RNF115: variants seen among roughly 807,000 people sequenced by gnomAD.
RNF115 encodes E3 ubiquitin-protein ligase RNF115.
RNF115 carries 31 observed loss-of-function variants against 39.2 expected under a neutral mutation model. The observed-to-expected ratio is 0.79, with a 90% CI of 0.59 to 1.07. The LOEUF (loss-of-function observed/expected upper bound fraction) is 1.07, where lower values mean the gene tolerates loss of function less well. Among genes scored for constraint, RNF115 ranks in the 50% least tolerant of loss-of-function variants. The pLI is 0.00. For synonymous variants in RNF115, 124 were observed against 131.0 expected, an observed-to-expected ratio of 0.95 and a Z score of 0.37; for missense variants, 384 against 381.7, an observed-to-expected ratio of 1.01 and a Z score of -0.05.
rs941568067 is a variant in RNF115 at position 145,824,020 on chromosome 1, G to C, written c.-147C>G. 2 of 546,328 alleles carry C rather than the reference G, an allele frequency of 3.7e-6. No individual in the cohort carries two copies. Among genetic ancestry groups the C allele is most frequent in the Non-Finnish European group, 6.0e-6 (2 of 331,108 alleles). 33.8% of individuals were successfully genotyped at this position (546,328 alleles called of 1,614,324 possible). A position where few individuals can be genotyped will look rare whatever the true frequency, so the allele number is the denominator to read the frequency against. On this transcript the variant is annotated 5_prime_UTR_variant, in exon 1 of 9. Coordinates refer to ENST00000582693, the MANE Select transcript of RNF115 (RefSeq NM_014455.4). ...CGCGTCGGTCACGTGAGTTGGCCAGGCCCAGAAACGCGGCGGCGCCAACAG... is the reference window on the plus strand; with the variant it reads ...CGCGTCGGTCACGTGAGTTGGCCAGCCCCAGAAACGCGGCGGCGCCAACAG...
At chr1:145,806,636 T>C (rs1390409021) in intron 1 of RNF115, among the ~76,000 whole-genome samples, 4 of 152,098 alleles carry the variant, frequency 2.6e-5, no homozygotes, top group African/African-American at 9.7e-5. Flanking sequence ...ATGAGTGATG[T>C]GGTTGTTTAA....
At chr1:145,819,148 A>G (rs587693810) in intron 1 of RNF115, among the ~76,000 whole-genome samples, 37 of 150,718 alleles carry the variant, frequency 2.5e-4, no homozygotes, top group African/African-American at 8.0e-4. Flanking sequence ...TCAGTAATAA[A>G]AAACCTGGCC....
intron 4 of RNF115, among the ~76,000 whole-genome samples, chr1:145,764,802 G>T (rs1553714515): frequency 6.6e-6 from 1 of 151,100 alleles, no homozygotes. Flanking sequence ...GGAGGGAGAT[G>T]GGGGGTGCCT....
rs1410829733 is a variant in RNF115, at chr1:145,739,745, A to G, written c.*7121T>C. The G allele has an allele frequency of 6.6e-6, 1 of 152,032 alleles. No homozygotes were observed. The highest frequency in any genetic ancestry group is 2.4e-5 in the African/African-American group (1 of 41,336). The allele number at this position is 152,032 out of a possible 1,614,324, so 9.4% of individuals were successfully genotyped here. Reference sequence around the variant, plus strand: ...CAGGCATGCACCACCATGCCTGGCTAATTTTTGTGTTTTTGGTAGAGACGG... The same window carrying G: ...CAGGCATGCACCACCATGCCTGGCTGATTTTTGTGTTTTTGGTAGAGACGG... On this transcript the variant is annotated 3_prime_UTR_variant, in exon 9 of 9. Coordinates refer to ENST00000582693, the MANE Select transcript of RNF115 (RefSeq NM_014455.4).
chr1:145,743,087 T>C lies in RNF115; in HGVS notation c.*3779A>G, dbSNP rs1435068140. The stretch of plus-strand genomic sequence containing the variant: ...TCATTTCTGTTTTTCCTCATTGTGA[T>C]GGTTAATCTTATGTGTCAACTTGAC... On this transcript the variant is annotated 3_prime_UTR_variant, in exon 9 of 9. Coordinates refer to ENST00000582693, the MANE Select transcript of RNF115 (RefSeq NM_014455.4). 6.6e-6 allele frequency: 1 copy of C among 152,212 alleles called. No individual in the cohort carries two copies. Among genetic ancestry groups the C allele is most frequent in the Non-Finnish European group, 1.5e-5 (1 of 68,048 alleles). 9.4% of individuals were successfully genotyped at this position (152,212 alleles called of 1,614,324 possible). A position where few individuals can be genotyped will look rare whatever the true frequency, so the allele number is the denominator to read the frequency against.
At chr1:145,775,573 A>C (rs1647845735) in intron 3 of RNF115, among the ~76,000 whole-genome samples, 1 of 152,032 alleles carries the variant, frequency 6.6e-6, no homozygotes, top group South Asian at 2.1e-4. Context: ...TTAAAAAAAA[A>C]AATTCTTTTT....
chr1:145,753,719 A>AT lies in RNF115; in HGVS notation c.429-671dup, dbSNP rs1363016557. On this transcript the variant is annotated intron_variant, in intron 4 of 8. Transcript: ENST00000582693. ...TCTTCTGTGTTCTGGATGATATGCA[A>AT]TTTTTTTTCTTTTTTGAGACAGAGT... 6.6e-5 allele frequency among the ~76,000 whole-genome samples: 10 copies of AT among 151,966 alleles called. No individual in the cohort carries two copies. In the South Asian group the frequency reaches 1.0e-3, roughly 16 times the overall value.
At chr1:145,767,069 G>A (rs1261753312) in intron 4 of RNF115, among the ~76,000 whole-genome samples, 7 of 141,974 alleles carry the variant, frequency 4.9e-5, no homozygotes, top group African/African-American at 2.1e-4. Flanking sequence ...AGGGCAGGGG[G>A]CTGACCCCCC....
Position 145,767,993 on chromosome 1 carries a change from GGGGAGAGGGAGA to G in RNF115, c.428+3706_428+3717del, listed in dbSNP as rs145331041. On this transcript the variant is annotated intron_variant, in intron 4 of 8. Coordinates refer to ENST00000582693, the MANE Select transcript of RNF115 (RefSeq NM_014455.4). ...GGCAAGAGAGGGAGAGGGAGACCGT[GGGGAGAGGGAGA>G]GGGAGAGGGAGAGGGAGCCATTGTT... Among the ~76,000 whole-genome samples the G allele has an allele frequency of 2.0e-4, 30 of 150,850 alleles. 1 individual carries two copies. In the South Asian group the frequency reaches 4.0e-3, roughly 20 times the overall value.
intron 1 of RNF115, among the ~76,000 whole-genome samples, chr1:145,793,145 C>A (rs587717256): frequency 6.6e-6 from 1 of 152,210 alleles, no homozygotes; most frequent in South Asian, 2.1e-4. Flanking sequence ...ATAGTGAGAC[C>A]TTGTCTCTAC....
intron 1 of RNF115, among the ~76,000 whole-genome samples, chr1:145,805,518 A>G (rs915052224): frequency 2.6e-5 from 4 of 152,094 alleles, no homozygotes; most frequent in African/African-American, 9.7e-5. Flanking sequence ...TGTTTGATTT[A>G]TAAAAGGAAA....
intron 4 of RNF115, among the ~76,000 whole-genome samples, chr1:145,762,527 G>A (rs1454816094): frequency 6.6e-6 from 1 of 152,014 alleles, no homozygotes; most frequent in African/African-American, 2.4e-5. Flanking sequence ...TAAAATATGT[G>A]TAGTATAATC....
intron 2 of RNF115, among the ~76,000 whole-genome samples, chr1:145,787,449 G>A (rs1384217719): frequency 6.6e-6 from 1 of 150,982 alleles, no homozygotes; most frequent in East Asian, 2.0e-4. Flanking sequence ...GTGCATGCCT[G>A]TAATCTCAGC....
chr1:145,767,422 G>A lies in RNF115; in HGVS notation c.428+4289C>T, dbSNP rs587601437. Among the ~76,000 whole-genome samples, 502 of 150,328 alleles carry A rather than the reference G, an allele frequency of 3.3e-3. 2 individuals are homozygous for A. The highest frequency in any genetic ancestry group is 0.025 in the South Asian group (116 of 4,716). On this transcript the variant is annotated intron_variant, in intron 4 of 8. Coordinates refer to ENST00000582693, the MANE Select transcript of RNF115 (RefSeq NM_014455.4). ...CCCACATCTCAGATGATGGGCGGCCGGGCAGAGACGCTCCTCACTTCCTAG... is the reference window on the plus strand; with the variant it reads ...CCCACATCTCAGATGATGGGCGGCCAGGCAGAGACGCTCCTCACTTCCTAG...
At chr1:145,822,704 C>T (rs1193890038) in intron 1 of RNF115, among the ~76,000 whole-genome samples, 1 of 150,218 alleles carries the variant, frequency 6.7e-6, no homozygotes, top group Non-Finnish European at 1.5e-5. Flanking sequence ...AGCTACAACC[C>T]AACCCAAAAC....
chr1:145,794,315 C>T (rs1487370721), intron 1 of RNF115, among the ~76,000 whole-genome samples: 1 of 152,042 alleles, frequency 6.6e-6, no homozygotes, highest in Non-Finnish European at 1.5e-5. Flanking sequence ...ACATGATTTA[C>T]AAGGCTGGTC....
Position 145,748,097 on chromosome 1 carries a change from C to T in RNF115, c.681G>A (p.Glu227=), listed in dbSNP as rs147745704. ...TGTAATCTTCTTTGCATACTGGACA[C>T]TCTAAACCCATATCTGTTGAAGAAG... The part of the protein sequence containing the change: ...VTQEQVDMGL[E]CPVCKEDYTV... The change falls in exon 8 of 9, where the codon GAG becomes GAA. Residue 227 remains glutamate (E), a synonymous_variant. Coordinates refer to ENST00000582693, the MANE Select transcript of RNF115 (RefSeq NM_014455.4). 2.4e-4 allele frequency: 385 copies of T among 1,612,008 alleles called. No homozygotes were observed. Among genetic ancestry groups the T allele is most frequent in the Non-Finnish European group, 2.9e-4 (346 of 1,178,202 alleles).
chr1:145,763,291 G>C (rs1314893662), intron 4 of RNF115, among the ~76,000 whole-genome samples: 1 of 152,186 alleles, frequency 6.6e-6, no homozygotes, highest in African/African-American at 2.4e-5. Context: ...CCTACACAGC[G>C]AATCAGAAAC....
At position 145,744,400 on chromosome 1, in the gene RNF115, C is replaced by G. The variant is rs1657793987; in HGVS notation, c.*2466G>C. 6.6e-6 allele frequency: 1 copy of G among 152,204 alleles called. No homozygotes were observed. The highest frequency in any genetic ancestry group is 1.5e-5 in the Non-Finnish European group (1 of 68,056). 9.4% of individuals were successfully genotyped at this position (152,204 alleles called of 1,614,324 possible). A position where few individuals can be genotyped will look rare whatever the true frequency, so the allele number is the denominator to read the frequency against. On this transcript the variant is annotated 3_prime_UTR_variant, in exon 9 of 9. Transcript: ENST00000582693. ...CAACGCACAGTAAGTAGATCTCATTCCCCAAATAAACAATCACTACAGAGG... is the reference window on the plus strand; with the variant it reads ...CAACGCACAGTAAGTAGATCTCATTGCCCAAATAAACAATCACTACAGAGG...
Sources: allele counts gnomAD v4.1 joint callset (sites outside exome capture counted in the v4.1 genomes callset), GRCh38; gene constraint gnomAD v4.1.1; transcripts MANE v1.5; gene names NCBI Gene and HGNC (gene_info 2026-07-23, HGNC 2026-07-21).